Variants in WDR88 observed in about 807,000 individuals in gnomAD.
WDR88 encodes WD repeat-containing protein 88.
Under a neutral mutation model 46.8 loss-of-function variants are expected in WDR88, and 40 were observed. The observed-to-expected ratio is 0.86, with a 90% CI of 0.66 to 1.11. WDR88 has a LOEUF of 1.11. Among genes scored for constraint, WDR88 ranks in the 50% most tolerant of loss-of-function variants. The pLI is 0.00. For synonymous variants in WDR88, 235 were observed against 240.7 expected, an observed-to-expected ratio of 0.98 and a Z score of 0.22; for missense variants, 562 against 602.4, an observed-to-expected ratio of 0.93 and a Z score of 0.70.
chr19:33,133,824 G>A (rs1973190441), intron 1 of WDR88, among the ~76,000 whole-genome samples: 1 of 152,296 alleles, frequency 6.6e-6, no homozygotes, highest in Middle Eastern at 3.4e-3. Flanking sequence ...TTGCGCTCTT[G>A]GGGAGGCCCT....
chr19:33,146,839 G>C (rs919837684), intron 3 of WDR88, among the ~76,000 whole-genome samples: 3 of 152,130 alleles, frequency 2.0e-5, no homozygotes, highest in Admixed American at 6.6e-5. Context: ...GTTTCAGTGA[G>C]AACCGAATGG....
intron 4 of WDR88, among the ~76,000 whole-genome samples, chr19:33,148,374 G>A (rs1274364837): frequency 3.3e-5 from 5 of 152,068 alleles, no homozygotes; most frequent in Non-Finnish European, 7.4e-5. Context: ...GCAAAGGTCA[G>A]TTTGTATTCA....
chr19:33,170,002 C>T (rs370050575), intron 9 of WDR88, among the ~76,000 whole-genome samples: 3 of 152,060 alleles, frequency 2.0e-5, no homozygotes, highest in Admixed American at 6.6e-5. Flanking sequence ...CTCAGCCTCC[C>T]GAGTAGCTGG....
At chr19:33,138,664 T>C (rs566385759) in intron 2 of WDR88, among the ~76,000 whole-genome samples, 12 of 124,206 alleles carry the variant, frequency 9.7e-5, no homozygotes, top group African/African-American at 3.7e-4. Context: ...CTTTTTTTTT[T>C]TTCCTTTCTT....
intron 6 of WDR88, among the ~76,000 whole-genome samples, chr19:33,155,100 T>A (rs918003900): frequency 6.6e-6 from 1 of 152,206 alleles, no homozygotes; most frequent in Non-Finnish European, 1.5e-5. Flanking sequence ...TTTATTATTA[T>A]TATTTTTCTG....
At chr19:33,157,714 TATATATATATATATATATATATAA>T (rs1568367764) in intron 7 of WDR88, among the ~76,000 whole-genome samples, 5,354 of 54,694 alleles carry the variant, frequency 0.098, 605 homozygotes, top group African/African-American at 0.25. Flanking sequence ...TATATATATA[TATATATATATATATATATATATAA>T]AATTAAAGAG....
At chr19:33,144,970 G>A (rs1207504291) in intron 3 of WDR88, 38 bp downstream of exon 3, 1 of 1,589,428 alleles carries the variant, frequency 6.3e-7, no homozygotes, top group Non-Finnish European at 8.6e-7. Context: ...AAGAGGGAGG[G>A]TGAGCAGGCA....
intron 2 of WDR88, among the ~76,000 whole-genome samples, chr19:33,139,053 C>T (rs1369770793): frequency 6.6e-6 from 1 of 152,148 alleles, no homozygotes; most frequent in Non-Finnish European, 1.5e-5. Context: ...CTCTGGGTCT[C>T]CTTCTCATCT....
intron 4 of WDR88, 25 bp from the exon 5 acceptor site, chr19:33,148,747 C>A: frequency 1.2e-6 from 2 of 1,613,982 alleles, no homozygotes; most frequent in Non-Finnish European, 1.7e-6. Context: ...CTTAAAACAA[C>A]CTTTTGATTG....
At chr19:33,172,829 C>A (rs898989323) in intron 10 of WDR88, among the ~76,000 whole-genome samples, 1 of 151,896 alleles carries the variant, frequency 6.6e-6, no homozygotes, top group African/African-American at 2.4e-5. Context: ...GTGTTTCACG[C>A]CTGTAATCCC....
chr19:33,174,723 C>G (rs1284592985), intron 10 of WDR88: 1 of 985,314 alleles, frequency 1.0e-6, no homozygotes, highest in African/African-American at 1.7e-5. Context: ...CAATTTTACT[C>G]GGCACAGAAC....
chr19:33,151,331 C>G, intron 6 of WDR88, 21 bp downstream of exon 6: 1 of 1,607,308 alleles, frequency 6.2e-7, no homozygotes. Flanking sequence ...CCCCAGGAGG[C>G]CAGAAGGGAG....
At chr19:33,137,221 G>A (rs549526129) in intron 1 of WDR88, among the ~76,000 whole-genome samples, 45 of 150,116 alleles carry the variant, frequency 3.0e-4, no homozygotes, top group African/African-American at 1.1e-3. Flanking sequence ...CAGAATGCTG[G>A]GATTACAGGG....
At chr19:33,159,839 A>G (rs937821917) in intron 7 of WDR88, among the ~76,000 whole-genome samples, 3 of 152,034 alleles carry the variant, frequency 2.0e-5, no homozygotes, top group African/African-American at 7.3e-5. Context: ...ATTGTAATAT[A>G]TAGTGAAATA....
intron 4 of WDR88, 134 bp from the exon 5 acceptor site, chr19:33,148,638 C>T (rs919811436): frequency 5.6e-6 from 6 of 1,069,496 alleles, no homozygotes; most frequent in African/African-American, 3.2e-5. Context: ...GGAGATCTTG[C>T]ATGTTTCCCA....
intron 3 of WDR88, among the ~76,000 whole-genome samples, chr19:33,145,589 T>C (rs1208705759): frequency 2.0e-5 from 3 of 151,702 alleles, no homozygotes; most frequent in Non-Finnish European, 4.4e-5. Flanking sequence ...GGCTGGAGTA[T>C]AGTGGTGCGA....
At position 33,169,992 on chromosome 19, in the gene WDR88, C is replaced by T. The variant is rs1374728207; in HGVS notation, c.1150-2356C>T. On this transcript the variant is annotated intron_variant, in intron 9 of 10. Coordinates refer to ENST00000355868, the MANE Select transcript of WDR88 (RefSeq NM_173479.4). The stretch of plus-strand genomic sequence containing the variant: ...TCCCGGGTTCAAGTGATTTTCCTGC[C>T]TCAGCCTCCCGAGTAGCTGGGATTA... Among the ~76,000 whole-genome samples, 4 of 152,094 alleles carry T rather than the reference C, an allele frequency of 2.6e-5. 1 individual carries two copies. The highest frequency in any genetic ancestry group is 2.0e-4 in the Admixed American group (3 of 15,250).
At chr19:33,155,873 C>T (rs1386379377) in intron 6 of WDR88, among the ~76,000 whole-genome samples, 2 of 152,196 alleles carry the variant, frequency 1.3e-5, no homozygotes, top group African/African-American at 2.4e-5. Context: ...TGCTGCTCCA[C>T]CTCCTACAGA....
In WDR88 at chr19:33,160,508, C is replaced by T. The variant is rs370395716; in HGVS notation, c.1080+12C>T. 3.7e-6 allele frequency: 6 copies of T among 1,613,970 alleles called. No homozygotes were observed. Among genetic ancestry groups the T allele is most frequent in the Non-Finnish European group, 4.2e-6 (5 of 1,179,870 alleles). ...AGCTCTCTTTGAAGGTACATGTGGC[C>T]AGCATGAGATTGAGGATCTGAACTT... On this transcript the variant is annotated intron_variant, in intron 8 of 10. Coordinates refer to ENST00000355868, the MANE Select transcript of WDR88 (RefSeq NM_173479.4).
Sources: gnomAD v4.1 joint callset for allele counts (sites outside exome capture counted in the v4.1 genomes callset) on GRCh38, gnomAD v4.1.1 for gene constraint, MANE v1.5 for transcripts, NCBI Gene and HGNC (gene_info 2026-07-23, HGNC 2026-07-21) for gene names.